The following FHIT variants were observed in gnomAD, a reference collection of about 807,000 sequenced individuals.
The protein encoded by FHIT is fragile histidine triad diadenosine triphosphatase.
A neutral mutation model predicts 17.9 loss-of-function variants in FHIT; 19 were observed. The ratio of observed to expected loss-of-function variants is 1.06; its 90% CI spans 0.74 to 1.56. The LOEUF (loss-of-function observed/expected upper bound fraction) is 1.56, where lower values mean the gene tolerates loss of function less well. Ranked by LOEUF, FHIT falls within the 40% of genes most tolerant of loss-of-function variation. The probability of loss-of-function intolerance (pLI) is 0.00; values close to 1 mark genes in which losing one functional copy is unlikely to be tolerated. For missense variants in FHIT, 248 were observed against 189.2 expected (o/e 1.31, Z -1.82); for synonymous variants, 81 against 69.7 (o/e 1.16, Z -0.81).
chr3:60,761,328 G>T (rs540015911), intron 4 of FHIT, among the ~76,000 whole-genome samples: 2 of 152,198 alleles, frequency 1.3e-5, no homozygotes, highest in African/African-American at 2.4e-5. Flanking sequence ...GTGAACGTGC[G>T]TATGAGCACA....
At chr3:59,863,566 C>T (rs1702500130) in intron 8 of FHIT, among the ~76,000 whole-genome samples, 1 of 152,172 alleles carries the variant, frequency 6.6e-6, no homozygotes, top group Admixed American at 6.6e-5. Context: ...AAGCCAGAGA[C>T]CATGCATGAT....
intron 5 of FHIT, among the ~76,000 whole-genome samples, chr3:60,296,221 G>A (rs529318727): frequency 2.6e-4 from 40 of 152,116 alleles, no homozygotes; most frequent in Admixed American, 5.2e-4. Flanking sequence ...GAGGGGAAGG[G>A]GGGAAGGAGG....
Position 60,576,238 on chromosome 3 carries a change from T to TTA in FHIT, c.-17-39260_-17-39259insTA, listed in dbSNP as rs1553657572. On this transcript the variant is annotated intron_variant, in intron 4 of 9. Coordinates refer to ENST00000492590, the MANE Select transcript of FHIT (RefSeq NM_002012.4). ...AAGAATATGATTGGTAAAATTTTTT[T>TTA]AAAAAATACAAGAAATGGAAGGCAA... 2.0e-5 allele frequency among the ~76,000 whole-genome samples: 3 copies of TTA among 151,756 alleles called. No individual in the cohort carries two copies. The East Asian group carries it at 5.8e-4, about 30-fold the overall frequency.
chr3:60,554,050 C>G (rs1310004572), intron 4 of FHIT, among the ~76,000 whole-genome samples: 1 of 152,002 alleles, frequency 6.6e-6, no homozygotes, highest in Non-Finnish European at 1.5e-5. Context: ...TTGTGCTGCG[C>G]CACTGCACTC....
chr3:60,393,787 C>A (rs1276036412), intron 5 of FHIT, among the ~76,000 whole-genome samples: 1 of 152,138 alleles, frequency 6.6e-6, no homozygotes, highest in African/African-American at 2.4e-5. Flanking sequence ...CTTATCCCCA[C>A]ATGGCAACGA....
At chr3:60,905,836 G>C (rs761815199) in intron 3 of FHIT, among the ~76,000 whole-genome samples, 1 of 152,164 alleles carries the variant, frequency 6.6e-6, no homozygotes, top group Non-Finnish European at 1.5e-5. Context: ...TATTTTCAAA[G>C]AGCGTGAGTA....
chr3:60,992,267 G>A (rs1348658839), intron 3 of FHIT, among the ~76,000 whole-genome samples: 1 of 152,202 alleles, frequency 6.6e-6, no homozygotes, highest in Non-Finnish European at 1.5e-5. Flanking sequence ...GCCTGCCAGG[G>A]TGCTGAAAAG....
chr3:60,542,510 C>T (rs1025503973), intron 4 of FHIT, among the ~76,000 whole-genome samples: 3 of 152,072 alleles, frequency 2.0e-5, no homozygotes, highest in Non-Finnish European at 2.9e-5. Flanking sequence ...GCGTCTCTTC[C>T]TTTTACTTCA....
chr3:60,198,584 T>C (rs1459895728), intron 5 of FHIT, among the ~76,000 whole-genome samples: 1 of 152,102 alleles, frequency 6.6e-6, no homozygotes, highest in Non-Finnish European at 1.5e-5. Flanking sequence ...CCTGAACACA[T>C]AATAGGCTCA....
In FHIT at chr3:60,436,026, T is replaced by C. The variant is rs148032056; in HGVS notation, c.103+100834A>G. Among the ~76,000 whole-genome samples, 460 of 152,180 alleles carry C rather than the reference T, an allele frequency of 3.0e-3. 2 individuals carry two copies. Among genetic ancestry groups the C allele is most frequent in the Non-Finnish European group, 4.3e-3 (289 of 67,974 alleles). On this transcript the variant is annotated intron_variant, in intron 5 of 9. Transcript: ENST00000492590. ...ATGGCTGCATAGTATTCCATGTGTA[T>C]ATGTACCACATTTTTTCTTTTTTCT... is the stretch of plus-strand genomic sequence containing the variant.
intron 4 of FHIT, among the ~76,000 whole-genome samples, chr3:60,591,699 A>C (rs934135307): frequency 6.6e-6 from 1 of 152,076 alleles, no homozygotes; most frequent in Non-Finnish European, 1.5e-5. Context: ...AGAGAGGAAA[A>C]TGAAATGAGC....
intron 7 of FHIT, among the ~76,000 whole-genome samples, chr3:59,998,549 AAATG>A (rs1699606425): frequency 6.6e-6 from 1 of 152,142 alleles, no homozygotes. Flanking sequence ...AGATGGTGAA[AAATG>A]AATGCTTCGG....
intron 4 of FHIT, among the ~76,000 whole-genome samples, chr3:60,753,439 A>T (rs1465108776): frequency 6.6e-6 from 1 of 152,208 alleles, no homozygotes; most frequent in Non-Finnish European, 1.5e-5. Context: ...GGATCCACTC[A>T]TTTGGATGTT....
intron 5 of FHIT, among the ~76,000 whole-genome samples, chr3:60,089,015 G>A (rs1703618306): frequency 1.3e-5 from 2 of 152,306 alleles, no homozygotes; most frequent in South Asian, 4.1e-4. Context: ...TTAAAAGGAA[G>A]CTGGGGCTTA....
At chr3:61,209,662 T>G (rs1237269389) in intron 1 of FHIT, among the ~76,000 whole-genome samples, 1 of 152,228 alleles carries the variant, frequency 6.6e-6, no homozygotes, top group African/African-American at 2.4e-5. Flanking sequence ...TTCAGCTCCA[T>G]CAAGTCCTTT....
intron 3 of FHIT, among the ~76,000 whole-genome samples, chr3:61,008,890 T>C (rs2031617010): frequency 6.6e-6 from 1 of 152,150 alleles, no homozygotes; most frequent in African/African-American, 2.4e-5. Flanking sequence ...TGGAACTAAT[T>C]TGGGCTTTTT....
intron 7 of FHIT, among the ~76,000 whole-genome samples, chr3:59,933,105 A>G (rs1706055990): frequency 6.6e-6 from 1 of 152,168 alleles, no homozygotes; most frequent in Admixed American, 6.6e-5. Flanking sequence ...TAACAAAGAC[A>G]TGGAAATAAA....
intron 1 of FHIT, among the ~76,000 whole-genome samples, chr3:61,234,610 AT>A (rs1389174095): frequency 3.9e-5 from 6 of 152,254 alleles, no homozygotes; most frequent in Admixed American, 2.0e-4. Flanking sequence ...TGATAGTGCT[AT>A]CATGAATGGG....
chr3:60,056,250 G>T (rs1482846775), intron 5 of FHIT, among the ~76,000 whole-genome samples: 1 of 151,786 alleles, frequency 6.6e-6, no homozygotes, highest in African/African-American at 2.4e-5. Flanking sequence ...GGATTCTGTA[G>T]AAGATTTCTC....
Sources: allele counts gnomAD v4.1 joint callset (sites outside exome capture counted in the v4.1 genomes callset), GRCh38; gene constraint gnomAD v4.1.1; transcripts MANE v1.5; gene names NCBI Gene and HGNC (gene_info 2026-07-23, HGNC 2026-07-21).